Variants in SLC24A2 observed in about 807,000 individuals in gnomAD.
SLC24A2 encodes sodium/potassium/calcium exchanger 2.
Under a neutral mutation model 62.0 loss-of-function variants are expected in SLC24A2, and 36 were observed. That is an observed-to-expected ratio of 0.58 (90% CI 0.44 to 0.77). The LOEUF (loss-of-function observed/expected upper bound fraction) is 0.77, where lower values mean the gene tolerates loss of function less well. SLC24A2 is among the 30% of genes least tolerant of loss of function. The probability of loss-of-function intolerance (pLI) is 0.00; values close to 1 mark genes in which losing one functional copy is unlikely to be tolerated. For missense variants in SLC24A2, 846 were observed against 817.9 expected, an observed-to-expected ratio of 1.03 and a Z score of -0.42; for synonymous variants, 358 against 294.0, an observed-to-expected ratio of 1.22 and a Z score of -2.23.
At chr9:19,702,072 T>C (rs759253767) in intron 2 of SLC24A2, among the ~76,000 whole-genome samples, 1 of 152,234 alleles carries the variant, frequency 6.6e-6, no homozygotes, top group Non-Finnish European at 1.5e-5. Context: ...ACCGATTTTA[T>C]TTCTTCATGT....
the SLC24A2 span, among the ~76,000 whole-genome samples, chr9:19,836,716 T>C: frequency 6.6e-6 from 1 of 152,200 alleles, no homozygotes; most frequent in Non-Finnish European, 1.5e-5. Flanking sequence ...GAATCCTCCC[T>C]AACTCATTTT....
the SLC24A2 span, among the ~76,000 whole-genome samples, chr9:20,228,720 T>C: frequency 6.6e-6 from 1 of 152,092 alleles, no homozygotes; most frequent in South Asian, 2.1e-4. Context: ...GTATAACCAG[T>C]GTGGCACCCA....
At position 19,557,962 on chromosome 9, in the gene SLC24A2, C is replaced by T. The variant is rs562903535; in HGVS notation, c.1348-7694G>A. Among the ~76,000 whole-genome samples, 57 of 151,978 alleles carry T rather than the reference C, an allele frequency of 3.8e-4. No individual in the cohort carries two copies. The South Asian group carries it at 5.6e-3, about 15-fold the overall frequency. ...AGCCTCCCAAGTAGCTGAGACTACACGTATGCACCACCATGGCTAATTTTT... is the reference window on the plus strand; with the variant it reads ...AGCCTCCCAAGTAGCTGAGACTACATGTATGCACCACCATGGCTAATTTTT... On this transcript the variant is annotated intron_variant, in intron 7 of 10. Coordinates refer to ENST00000341998, the MANE Select transcript of SLC24A2 (RefSeq NM_020344.4).
the SLC24A2 span, among the ~76,000 whole-genome samples, chr9:20,192,225 G>A: frequency 6.6e-6 from 1 of 152,154 alleles, no homozygotes; most frequent in Non-Finnish European, 1.5e-5. Context: ...AATCAGGAAA[G>A]GATGCAATGA....
Position 19,764,055 on chromosome 9 carries a change from C to T in SLC24A2, c.930+21882G>A, listed in dbSNP as rs546593476. ...TTTAGTCTTGGGAGGATATATGTGTCCAGGAATTTATCCATGTCTTCTAGA... is the reference window on the plus strand; with the variant it reads ...TTTAGTCTTGGGAGGATATATGTGTTCAGGAATTTATCCATGTCTTCTAGA... On this transcript the variant is annotated intron_variant, in intron 2 of 10. Transcript: ENST00000341998. Among the ~76,000 whole-genome samples the T allele has an allele frequency of 4.8e-4, 73 of 152,156 alleles. No homozygotes were observed. In the Middle Eastern group the frequency reaches 0.02, roughly 43 times the overall value.
the SLC24A2 span, among the ~76,000 whole-genome samples, chr9:20,232,751 TC>T: frequency 2.0e-5 from 3 of 152,330 alleles, no homozygotes; most frequent in Admixed American, 6.5e-5. Flanking sequence ...TCTGTTCTGA[TC>T]TTAGTTATTT....
the SLC24A2 span, among the ~76,000 whole-genome samples, chr9:20,079,877 C>T: frequency 6.6e-6 from 1 of 152,018 alleles, no homozygotes; most frequent in Non-Finnish European, 1.5e-5. Context: ...CATCTGCAAA[C>T]AGGGACAAAG....
chr9:19,550,564 A>G (rs1413027110), intron 7 of SLC24A2, among the ~76,000 whole-genome samples: 2 of 152,184 alleles, frequency 1.3e-5, no homozygotes, highest in Non-Finnish European at 2.9e-5. Context: ...ACAATTCACG[A>G]GCTTCTTATA....
chr9:20,072,375 T>G, the SLC24A2 span, among the ~76,000 whole-genome samples: 1 of 151,962 alleles, frequency 6.6e-6, no homozygotes, highest in Non-Finnish European at 1.5e-5. Flanking sequence ...CAAGAGAAGG[T>G]CAGACAGATT....
chr9:20,300,473 T>C, the SLC24A2 span, among the ~76,000 whole-genome samples: 6 of 152,326 alleles, frequency 3.9e-5, no homozygotes, highest in East Asian at 1.2e-3. Flanking sequence ...CATAGACTCT[T>C]ACTATTCTCC....
chr9:19,708,572 A>G lies in SLC24A2; in HGVS notation c.930+77365T>C, dbSNP rs564878776. 7.2e-5 allele frequency among the ~76,000 whole-genome samples: 11 copies of G among 152,324 alleles called. No individual in the cohort carries two copies. The South Asian group carries it at 1.9e-3, about 26-fold the overall frequency. ...CCAAAACAGAGATATAGACCAATGGAACAGAACAGAGCCCTTAGAAATAAT... is the reference window on the plus strand; with the variant it reads ...CCAAAACAGAGATATAGACCAATGGGACAGAACAGAGCCCTTAGAAATAAT... On this transcript the variant is annotated intron_variant, in intron 2 of 10. Coordinates refer to ENST00000341998, the MANE Select transcript of SLC24A2 (RefSeq NM_020344.4).
At position 19,576,825 on chromosome 9, in the gene SLC24A2, G is replaced by A. The variant is rs1033292026; in HGVS notation, c.1228+99C>T. The A allele has an allele frequency of 5.9e-6, 5 of 851,582 alleles. No homozygotes were observed. The African/African-American group carries it at 6.6e-5, about 11-fold the overall frequency. 52.8% of individuals were successfully genotyped at this position (851,582 alleles called of 1,614,324 possible). On this transcript the variant is annotated intron_variant, in intron 6 of 10. Coordinates refer to ENST00000341998, the MANE Select transcript of SLC24A2 (RefSeq NM_020344.4). The stretch of plus-strand genomic sequence containing the variant: ...GAAGGGCTGTGCTGCAGCGGTGTGT[G>A]TGTCTGCACTGAGTCAGGGGTGCCC...
At chr9:20,288,772 T>G in the SLC24A2 span, among the ~76,000 whole-genome samples, 1 of 146,706 alleles carries the variant, frequency 6.8e-6, no homozygotes, top group African/African-American at 2.5e-5. Context: ...AAGAATGCAA[T>G]GGAAGAGACA....
the SLC24A2 span, among the ~76,000 whole-genome samples, chr9:20,254,346 A>G: frequency 7.0e-3 from 1,070 of 152,278 alleles, 9 homozygotes; most frequent in African/African-American, 0.023. Flanking sequence ...TTTAATGAGC[A>G]TTTGTTTAGC....
At chr9:20,215,257 G>A in the SLC24A2 span, among the ~76,000 whole-genome samples, 402 of 152,246 alleles carry the variant, frequency 2.6e-3, 4 homozygotes, top group East Asian at 0.038. Flanking sequence ...CTGCCTCACC[G>A]AATCACACGC....
intron 2 of SLC24A2, among the ~76,000 whole-genome samples, chr9:19,785,520 T>C (rs991783074): frequency 1.3e-5 from 2 of 152,224 alleles, no homozygotes; most frequent in African/African-American, 4.8e-5. Context: ...TCTAAAGAGA[T>C]GGTTCTTTCT....
At chr9:19,666,688 C>G (rs550302920) in intron 2 of SLC24A2, among the ~76,000 whole-genome samples, 95 of 152,244 alleles carry the variant, frequency 6.2e-4, no homozygotes, top group African/African-American at 2.2e-3. Context: ...CAAAATAGCA[C>G]TTTCTCTTGA....
chr9:20,169,326 A>G, the SLC24A2 span, among the ~76,000 whole-genome samples: 1 of 152,014 alleles, frequency 6.6e-6, no homozygotes, highest in African/African-American at 2.4e-5. Flanking sequence ...TGGACAGAGC[A>G]GCATGTGGAG....
chr9:19,673,910 T>G (rs566597523), intron 2 of SLC24A2, among the ~76,000 whole-genome samples: 52 of 152,348 alleles, frequency 3.4e-4, no homozygotes, highest in African/African-American at 1.1e-3. Flanking sequence ...TCATGTTATT[T>G]GATGCCTGAA....
Sources: allele counts gnomAD v4.1 joint callset (sites outside exome capture counted in the v4.1 genomes callset), GRCh38; gene constraint gnomAD v4.1.1; transcripts MANE v1.5; gene names NCBI Gene and HGNC (gene_info 2026-07-23, HGNC 2026-07-21).